MXRA7: variants seen among roughly 807,000 people sequenced by gnomAD.
MXRA7 encodes matrix-remodeling-associated protein 7.
Under a neutral mutation model 17.4 loss-of-function variants are expected in MXRA7, and 18 were observed. The observed-to-expected ratio is 1.03, with a 90% CI of 0.71 to 1.53. The LOEUF (loss-of-function observed/expected upper bound fraction) is 1.53. MXRA7 is among the 40% of genes most tolerant of loss of function. The probability of loss-of-function intolerance (pLI) is 0.00; values close to 1 mark genes in which losing one functional copy is unlikely to be tolerated. For synonymous variants in MXRA7, 70 were observed against 101.7 expected, an observed-to-expected ratio of 0.69 and a Z score of 1.87; for missense variants, 141 against 209.3, an observed-to-expected ratio of 0.67 and a Z score of 2.01.
intron 1 of MXRA7, among the ~76,000 whole-genome samples, chr17:76,694,694 T>C (rs902813599): frequency 6.6e-6 from 1 of 152,096 alleles, no homozygotes; most frequent in Non-Finnish European, 1.5e-5. Flanking sequence ...CCGTCAATCC[T>C]CCTACCACAG....
chr17:76,697,787 C>A (rs1295411834), intron 1 of MXRA7, among the ~76,000 whole-genome samples: 2 of 152,146 alleles, frequency 1.3e-5, no homozygotes, highest in Non-Finnish European at 2.9e-5. Context: ...CTGGGAGACA[C>A]AGTGAACCAA....
intron 1 of MXRA7, among the ~76,000 whole-genome samples, chr17:76,708,585 T>C (rs942943985): frequency 6.6e-6 from 1 of 152,166 alleles, no homozygotes; most frequent in Admixed American, 6.5e-5. Flanking sequence ...TTCAGGACAA[T>C]TTGTTTTCCT....
chr17:76,705,028 G>A (rs553155607), intron 1 of MXRA7, among the ~76,000 whole-genome samples: 35 of 152,312 alleles, frequency 2.3e-4, no homozygotes, highest in African/African-American at 7.7e-4. Context: ...GGTTTGAGCC[G>A]AGTGGGAAAG....
rs537075837 is a variant in MXRA7, at chr17:76,698,480, C to T, written c.343-10304G>A. On this transcript the variant is annotated intron_variant, in intron 1 of 3. Transcript: ENST00000449428. ...CTCCATACCCGGCAAAACAACTCAG[C>T]CATCTCCCCCTCCAAACTACAGCTC... 3.9e-5 allele frequency among the ~76,000 whole-genome samples: 6 copies of T among 152,286 alleles called. No homozygotes were observed. In the South Asian group the frequency reaches 8.3e-4, roughly 21 times the overall value.
At chr17:76,683,956 A>AT (rs774475928) in intron 3 of MXRA7, 11 of 1,579,002 alleles carry the variant, frequency 7.0e-6, no homozygotes, top group Non-Finnish European at 8.7e-6. Context: ...AAACCTGGTC[A>AT]TGCCAAGCGG....
At chr17:76,688,717 C>G in intron 1 of MXRA7, 2 of 1,221,874 alleles carry the variant, frequency 1.6e-6, no homozygotes, top group Non-Finnish European at 2.0e-6. Flanking sequence ...AACAGATGAT[C>G]AGAGGAATGG....
At chr17:76,683,201 T>G (rs2076332140) in intron 3 of MXRA7, among the ~76,000 whole-genome samples, 1 of 152,208 alleles carries the variant, frequency 6.6e-6, no homozygotes. Context: ...AACCTTTTTC[T>G]GCAAACAGCC....
intron 3 of MXRA7, among the ~76,000 whole-genome samples, chr17:76,684,092 T>C (rs547465137): frequency 6.7e-6 from 1 of 149,526 alleles, no homozygotes; most frequent in Non-Finnish European, 1.5e-5. Flanking sequence ...AGAGCGCTGA[T>C]GCCAGCAGCG....
intron 1 of MXRA7, among the ~76,000 whole-genome samples, chr17:76,691,742 G>A (rs561078387): frequency 6.6e-6 from 1 of 152,304 alleles, no homozygotes; most frequent in Non-Finnish European, 1.5e-5. Flanking sequence ...TCTCATGGTT[G>A]ATGTCTCTCT....
At chr17:76,702,406 G>A (rs2076600476) in intron 1 of MXRA7, among the ~76,000 whole-genome samples, 2 of 152,162 alleles carry the variant, frequency 1.3e-5, no homozygotes, top group African/African-American at 4.8e-5. Context: ...TACTTAGGAG[G>A]CCGAGGCATG....
At chr17:76,701,266 G>C (rs1354872711) in intron 1 of MXRA7, among the ~76,000 whole-genome samples, 1 of 152,064 alleles carries the variant, frequency 6.6e-6, no homozygotes, top group African/African-American at 2.4e-5. Flanking sequence ...GGAGAGAGGT[G>C]ACCAGAATTG....
At chr17:76,675,620 C>T (rs370446225), downstream of MXRA7, 21 of 152,126 alleles carry the variant, frequency 1.4e-4, no homozygotes, top group African/African-American at 5.1e-4. Flanking sequence ...GTCTTGAACT[C>T]CTGACCTCAA....
chr17:76,705,025 G>A (rs570642034), intron 1 of MXRA7, among the ~76,000 whole-genome samples: 64 of 152,292 alleles, frequency 4.2e-4, no homozygotes, highest in Non-Finnish European at 7.6e-4. Context: ...TGTGGTTTGA[G>A]CCGAGTGGGA....
chr17:76,697,884 C>T (rs2076548596), intron 1 of MXRA7, among the ~76,000 whole-genome samples: 1 of 133,614 alleles, frequency 7.5e-6, no homozygotes, highest in South Asian at 2.4e-4. Context: ...GTGCTGAAGT[C>T]GGGAGAGGGA....
At chr17:76,706,839 T>G (rs1033768163) in intron 1 of MXRA7, among the ~76,000 whole-genome samples, 1 of 152,270 alleles carries the variant, frequency 6.6e-6, no homozygotes, top group South Asian at 2.1e-4. Context: ...TACAGAAAAG[T>G]TGAAATAATA....
intron 3 of MXRA7, chr17:76,683,797 G>T: frequency 7.0e-7 from 1 of 1,423,328 alleles, no homozygotes; most frequent in Non-Finnish European, 9.9e-7. Flanking sequence ...GGGCACGTTA[G>T]CACGCAGTAG....
At chr17:76,686,803 A>G (rs7223751) in intron 2 of MXRA7, among the ~76,000 whole-genome samples, 109,477 of 152,038 alleles carry the variant, frequency 0.72, 40,656 homozygotes, top group Non-Finnish European at 0.82. Flanking sequence ...GAGGGGCTGG[A>G]GGTGCTCACA....
At chr17:76,692,244 GA>G (rs2076485300) in intron 1 of MXRA7, among the ~76,000 whole-genome samples, 1 of 151,464 alleles carries the variant, frequency 6.6e-6, no homozygotes, top group Admixed American at 6.6e-5. Flanking sequence ...CTTGACTTTG[GA>G]AGTCTGATTT....
intron 2 of MXRA7, among the ~76,000 whole-genome samples, chr17:76,686,805 G>A (rs113532755): frequency 1.3e-4 from 20 of 152,226 alleles, no homozygotes; most frequent in African/African-American, 4.3e-4. Flanking sequence ...GGGGCTGGAG[G>A]TGCTCACACA....
Sources: gnomAD v4.1 joint callset for allele counts (sites outside exome capture counted in the v4.1 genomes callset) on GRCh38, gnomAD v4.1.1 for gene constraint, MANE v1.5 for transcripts, NCBI Gene and HGNC (gene_info 2026-07-23, HGNC 2026-07-21) for gene names.